The following PARP8 variants were observed in gnomAD, a reference collection of about 807,000 sequenced individuals.
PARP8 encodes protein mono-ADP-ribosyltransferase PARP8.
Under a neutral mutation model 124.1 loss-of-function variants are expected in PARP8, and 51 were observed. The ratio of observed to expected loss-of-function variants is 0.41; its 90% CI spans 0.33 to 0.52. The LOEUF is 0.52. PARP8 is among the 20% of genes least tolerant of loss of function. The pLI, the probability that PARP8 is intolerant of heterozygous loss-of-function variation, is 0.21. For missense variants in PARP8, 860 were observed against 1,018.9 expected (o/e 0.84, Z 2.12); for synonymous variants, 391 against 361.5 (o/e 1.08, Z -0.93).
chr5:50,679,155 CAAAAGTT>C (rs1561234054), intron 2 of PARP8, among the ~76,000 whole-genome samples: 1 of 152,026 alleles, frequency 6.6e-6, no homozygotes, highest in Non-Finnish European at 1.5e-5. Context: ...TACATATACA[CAAAAGTT>C]AAAAAGCAGC....
In PARP8 at chr5:50,668,430, C is replaced by T. The variant is rs1749620544; in HGVS notation, c.146+305C>T. 9.0e-6 allele frequency: 3 copies of T among 333,270 alleles called. No homozygotes were observed. In the East Asian group the frequency reaches 1.6e-4, roughly 17 times the overall value. The allele number at this position is 333,270 out of a possible 1,614,324, so 20.6% of individuals were successfully genotyped here. A position where few individuals can be genotyped will look rare whatever the true frequency, so the allele number is the denominator to read the frequency against. ...TGGGGTTGATACAGGCACGCCGGTG[C>T]AAAACTGGAATACTGGATATGAAGT... On this transcript the variant is annotated intron_variant, in intron 2 of 25. Coordinates refer to ENST00000281631, the MANE Select transcript of PARP8 (RefSeq NM_024615.4).
intron 2 of PARP8, among the ~76,000 whole-genome samples, chr5:50,725,801 T>C (rs1391810686): frequency 6.6e-6 from 1 of 152,214 alleles, no homozygotes; most frequent in Non-Finnish European, 1.5e-5. Context: ...TTCTAAAATA[T>C]AATCAGTGTG....
At position 50,782,625 on chromosome 5, in the gene PARP8, A is replaced by G. The variant is rs149111167; in HGVS notation, c.670+3975A>G. ...TATGCCCATAATGCCTCTGCCTGTC[A>G]CAGAATACCATTATTTCAGTTTCCA... On this transcript the variant is annotated intron_variant, in intron 9 of 25. Transcript: ENST00000281631. 1.1e-4 allele frequency among the ~76,000 whole-genome samples: 17 copies of G among 152,334 alleles called. No homozygotes were observed. In the East Asian group the frequency reaches 3.3e-3, roughly 29 times the overall value.
intron 2 of PARP8, among the ~76,000 whole-genome samples, chr5:50,720,216 G>T (rs746196981): frequency 3.9e-5 from 6 of 152,002 alleles, no homozygotes; most frequent in African/African-American, 7.2e-5. Context: ...TCTAACTCGC[G>T]GCAGCAGTTT....
At chr5:50,824,034 C>T (rs1746064360) in intron 17 of PARP8, among the ~76,000 whole-genome samples, 1 of 152,184 alleles carries the variant, frequency 6.6e-6, no homozygotes, top group South Asian at 2.1e-4. Context: ...GTGCTGTTTT[C>T]TAGAATGTAC....
chr5:50,694,451 A>G (rs1466043651), intron 2 of PARP8, among the ~76,000 whole-genome samples: 1 of 151,948 alleles, frequency 6.6e-6, no homozygotes, highest in Non-Finnish European at 1.5e-5. Flanking sequence ...TGTTTTCTTT[A>G]TTTTCCTAGG....
Position 50,716,018 on chromosome 5 carries a change from G to A in PARP8, c.147-34133G>A, listed in dbSNP as rs568770195. Among the ~76,000 whole-genome samples, 3 of 152,182 alleles carry A rather than the reference G, an allele frequency of 2.0e-5. No homozygotes were observed. In the South Asian group the frequency reaches 6.2e-4, roughly 32 times the overall value. On this transcript the variant is annotated intron_variant, in intron 2 of 25. Transcript: ENST00000281631. Reference sequence around the variant, plus strand: ...CATATGAATGAATAAAATTGATGTTGTAGCAAGAATCCAAAATTTACTGTG... The same window carrying A: ...CATATGAATGAATAAAATTGATGTTATAGCAAGAATCCAAAATTTACTGTG...
chr5:50,829,863 C>G (rs1412983868), intron 21 of PARP8, 29 bp from the exon 22 acceptor site: 1 of 1,577,556 alleles, frequency 6.3e-7, no homozygotes, highest in South Asian at 1.2e-5. Context: ...GAACAGACCT[C>G]TCTCTCTCTC....
At chr5:50,788,382 A>T (rs1561381064) in intron 9 of PARP8, 141 bp from the exon 10 acceptor site, 2 of 587,080 alleles carry the variant, frequency 3.4e-6, no homozygotes, top group African/African-American at 1.9e-5. Flanking sequence ...CATAAATAGC[A>T]TTGTTTAGGA....
intron 22 of PARP8, among the ~76,000 whole-genome samples, 166 bp downstream of exon 22, chr5:50,830,127 A>G (rs529353556): frequency 1.3e-5 from 2 of 152,330 alleles, no homozygotes; most frequent in African/African-American, 2.4e-5. Context: ...AGATGAATTT[A>G]TAATACTCTC....
In PARP8 at chr5:50,744,884, A is replaced by G. The variant is rs1380349409; in HGVS notation, c.147-5267A>G. On this transcript the variant is annotated intron_variant, in intron 2 of 25. Transcript: ENST00000281631. ...TTCTTGACAATATTTTCTGCCTGCT[A>G]CATGGCATTTATTATGTACAGCACA... The G allele has an allele frequency of 4.5e-6, 3 of 663,552 alleles. No homozygotes were observed. The African/African-American group carries it at 5.4e-5, about 12-fold the overall frequency. 41.1% of individuals were successfully genotyped at this position (663,552 alleles called of 1,614,324 possible).
At chr5:50,752,577 T>G (rs1037106901) in intron 3 of PARP8, among the ~76,000 whole-genome samples, 18 of 152,104 alleles carry the variant, frequency 1.2e-4, no homozygotes, top group African/African-American at 4.3e-4. Context: ...TTTTTATTGT[T>G]CATATTTGTT....
At chr5:50,804,877 G>A (rs1743649608) in intron 14 of PARP8, among the ~76,000 whole-genome samples, 1 of 152,050 alleles carries the variant, frequency 6.6e-6, no homozygotes, top group Admixed American at 6.6e-5. Context: ...CAGCCTCAAA[G>A]AGTGCGTTTA....
chr5:50,799,478 T>A (rs1466735342), intron 14 of PARP8, among the ~76,000 whole-genome samples: 6 of 152,228 alleles, frequency 3.9e-5, no homozygotes, highest in African/African-American at 1.4e-4. Flanking sequence ...TGCTTTATAG[T>A]AAGTTTGAAA....
At chr5:50,742,146 G>A (rs1445538824) in intron 2 of PARP8, among the ~76,000 whole-genome samples, 4 of 152,270 alleles carry the variant, frequency 2.6e-5, no homozygotes, top group African/African-American at 9.6e-5. Flanking sequence ...TAGTGTTCTT[G>A]TCTTCATGTT....
At chr5:50,746,459 A>T (rs561620965) in intron 2 of PARP8, among the ~76,000 whole-genome samples, 1 of 152,214 alleles carries the variant, frequency 6.6e-6, no homozygotes, top group Non-Finnish European at 1.5e-5. Flanking sequence ...CTGTAGGTAC[A>T]TAACATGTAA....
chr5:50,686,690 A>C (rs1004140708), intron 2 of PARP8, among the ~76,000 whole-genome samples: 2 of 152,184 alleles, frequency 1.3e-5, no homozygotes, highest in Non-Finnish European at 2.9e-5. Flanking sequence ...ATCTAGAGAG[A>C]GGTTTCCAAA....
rs114971952 is a variant in PARP8, at chr5:50,677,494, G to A, written c.146+9369G>A. On this transcript the variant is annotated intron_variant, in intron 2 of 25. Coordinates refer to ENST00000281631, the MANE Select transcript of PARP8 (RefSeq NM_024615.4). ...TTTCTTGATTTTTCTTTTTGGAGCAGTCCATCGTTATGGGAAAACCAGCCT... is the reference window on the plus strand; with the variant it reads ...TTTCTTGATTTTTCTTTTTGGAGCAATCCATCGTTATGGGAAAACCAGCCT... 5.0e-3 allele frequency among the ~76,000 whole-genome samples: 756 copies of A among 152,238 alleles called. 6 individuals are homozygous for A. Among genetic ancestry groups the A allele is most frequent in the African/African-American group, 0.018 (729 of 41,546 alleles).
At chr5:50,755,814 C>T (rs1174857422) in intron 3 of PARP8, among the ~76,000 whole-genome samples, 1 of 152,166 alleles carries the variant, frequency 6.6e-6, no homozygotes, top group African/African-American at 2.4e-5. Context: ...TATCCATGAG[C>T]ATGGAATGTT....
Sources: gnomAD v4.1 joint callset for allele counts (sites outside exome capture counted in the v4.1 genomes callset) on GRCh38, gnomAD v4.1.1 for gene constraint, MANE v1.5 for transcripts, NCBI Gene and HGNC (gene_info 2026-07-23, HGNC 2026-07-21) for gene names.